Variants in PLXNA4 observed in about 807,000 individuals in gnomAD.
PLXNA4 encodes plexin-A4.
Under a neutral mutation model 191.8 loss-of-function variants are expected in PLXNA4, and 44 were observed. The observed-to-expected ratio is 0.23, with a 90% CI of 0.18 to 0.29. PLXNA4 has a LOEUF of 0.29. Ranked by LOEUF, PLXNA4 falls within the 10% of genes least tolerant of loss-of-function variation. The probability of loss-of-function intolerance (pLI) is 1.00; values close to 1 mark genes in which losing one functional copy is unlikely to be tolerated. For synonymous variants in PLXNA4, 1,082 were observed against 1,009.5 expected (o/e 1.07, Z -1.36); for missense variants, 1,800 against 2,488.8 (o/e 0.72, Z 5.89).
intron 2 of PLXNA4, among the ~76,000 whole-genome samples, chr7:132,631,035 CAT>C (rs1803481843): frequency 6.6e-6 from 1 of 152,190 alleles, no homozygotes; most frequent in Admixed American, 6.5e-5. Context: ...AGAGAATTAA[CAT>C]GTGTATTCGT....
intron 7 of PLXNA4, 108 bp from the exon 8 acceptor site, chr7:132,226,368 T>C: frequency 1.1e-6 from 1 of 926,164 alleles, no homozygotes; most frequent in East Asian, 2.5e-5. Flanking sequence ...CAGGCGGCTG[T>C]TGGCTTAACA....
intron 4 of PLXNA4, among the ~76,000 whole-genome samples, chr7:132,273,326 ACACACACACACACACG>A (rs893581916): frequency 2.0e-4 from 30 of 149,442 alleles, no homozygotes; most frequent in Admixed American, 2.7e-4. Context: ...GGTTTTCAAC[ACACACACACACACACG>A]CACACACACA....
chr7:132,259,880 C>G (rs924919197), intron 4 of PLXNA4, among the ~76,000 whole-genome samples: 1 of 152,126 alleles, frequency 6.6e-6, no homozygotes, highest in Non-Finnish European at 1.5e-5. Context: ...ATCTGAAAAG[C>G]CTACATTGTG....
In PLXNA4 at chr7:132,626,010, G is replaced by C. The variant is rs545289618; in HGVS notation, c.-87+19918C>G. The stretch of plus-strand genomic sequence containing the variant: ...TTAAGCAGGTCTTCTCCCCTCACAG[G>C]CCTCTCTATTCAGTTTATCCCAAAC... On this transcript the variant is annotated intron_variant, in intron 2 of 4. Transcript: ENST00000378539. Among the ~76,000 whole-genome samples, 9 of 152,216 alleles carry C rather than the reference G, an allele frequency of 5.9e-5. 1 individual carries two copies. Among genetic ancestry groups the C allele is most frequent in the African/African-American group, 2.2e-4 (9 of 41,536 alleles).
intron 2 of PLXNA4, among the ~76,000 whole-genome samples, chr7:132,506,989 A>G (rs1375731494): frequency 6.6e-6 from 1 of 152,212 alleles, no homozygotes; most frequent in African/African-American, 2.4e-5. Flanking sequence ...AAAGACATAC[A>G]AAGGGCTAAA....
At chr7:132,547,517 C>T (rs1800362363) in intron 1 of PLXNA4, among the ~76,000 whole-genome samples, 1 of 152,134 alleles carries the variant, frequency 6.6e-6, no homozygotes, top group Non-Finnish European at 1.5e-5. Flanking sequence ...TGCATGCAGG[C>T]ATGGGTAAGT....
intron 24 of PLXNA4, among the ~76,000 whole-genome samples, chr7:132,163,637 A>G (rs1376293): frequency 0.92 from 140,274 of 152,224 alleles, 65,008 homozygotes; most frequent in African/African-American, 0.98. Flanking sequence ...CGTTCCTTCA[A>G]CAACTGCCTT....
chr7:132,616,647 C>T (rs889996212), intron 2 of PLXNA4, among the ~76,000 whole-genome samples: 3 of 152,318 alleles, frequency 2.0e-5, no homozygotes, highest in Admixed American at 6.5e-5. Context: ...GTAGATGTAA[C>T]AGACATACTC....
intron 9 of PLXNA4, 70 bp downstream of exon 9, chr7:132,223,457 G>T: frequency 7.5e-7 from 1 of 1,329,290 alleles, no homozygotes; most frequent in Non-Finnish European, 1.1e-6. Flanking sequence ...TCCTCTTAAG[G>T]GAATGCCTCT....
chr7:132,443,995 C>A (rs895566735), intron 3 of PLXNA4, among the ~76,000 whole-genome samples: 1 of 152,176 alleles, frequency 6.6e-6, no homozygotes, highest in African/African-American at 2.4e-5. Flanking sequence ...GGGTGGGATC[C>A]CCCTGCCTTT....
At chr7:132,234,202 T>A (rs1798618164) in intron 5 of PLXNA4, among the ~76,000 whole-genome samples, 1 of 152,208 alleles carries the variant, frequency 6.6e-6, no homozygotes, top group South Asian at 2.1e-4. Flanking sequence ...GAATGCTGCC[T>A]ATTACCTGAG....
At chr7:132,321,114 G>A (rs532384368) in intron 3 of PLXNA4, among the ~76,000 whole-genome samples, 8 of 152,022 alleles carry the variant, frequency 5.3e-5, no homozygotes, top group Admixed American at 1.3e-4. Flanking sequence ...GTTTTTCTCC[G>A]GCTGCCTCTC....
At chr7:132,142,564 A>T (rs1326552161) in intron 29 of PLXNA4, among the ~76,000 whole-genome samples, 3 of 152,250 alleles carry the variant, frequency 2.0e-5, no homozygotes, top group Admixed American at 1.3e-4. Context: ...TCAGTCGACA[A>T]GGATCTATTA....
intron 2 of PLXNA4, among the ~76,000 whole-genome samples, chr7:132,635,066 T>C (rs1803569813): frequency 6.6e-6 from 1 of 151,936 alleles, no homozygotes; most frequent in South Asian, 2.1e-4. Flanking sequence ...GACTCCAAGC[T>C]CTTCAGTTTT....
chr7:132,551,728 G>A (rs941090741), intron 1 of PLXNA4, among the ~76,000 whole-genome samples: 1 of 152,162 alleles, frequency 6.6e-6, no homozygotes, highest in Non-Finnish European at 1.5e-5. Flanking sequence ...AAGGGTGTTA[G>A]TGACTGTCAG....
intron 3 of PLXNA4, among the ~76,000 whole-genome samples, chr7:132,473,011 C>T (rs1487886575): frequency 2.6e-5 from 4 of 152,194 alleles, no homozygotes; most frequent in Non-Finnish European, 5.9e-5. Context: ...TCCTGTCAGG[C>T]CCACATCAGG....
chr7:132,573,922 C>A (rs1219045624), intron 1 of PLXNA4, among the ~76,000 whole-genome samples: 1 of 152,060 alleles, frequency 6.6e-6, no homozygotes, highest in Non-Finnish European at 1.5e-5. Flanking sequence ...GTGAGAAAGA[C>A]CTCAGAGAAC....
intron 5 of PLXNA4, among the ~76,000 whole-genome samples, chr7:132,240,602 T>C: frequency 6.6e-6 from 1 of 152,206 alleles, no homozygotes; most frequent in East Asian, 1.9e-4. Context: ...TTGAAGTAGA[T>C]GTTAAGGAGA....
chr7:132,630,090 T>C (rs934000632), intron 2 of PLXNA4, among the ~76,000 whole-genome samples: 12 of 152,190 alleles, frequency 7.9e-5, no homozygotes, highest in African/African-American at 2.9e-4. Flanking sequence ...GACCTTGTGA[T>C]CCACCTGCCT....
Sources: gnomAD v4.1 joint callset for allele counts (sites outside exome capture counted in the v4.1 genomes callset) on GRCh38, gnomAD v4.1.1 for gene constraint, MANE v1.5 for transcripts, NCBI Gene and HGNC (gene_info 2026-07-23, HGNC 2026-07-21) for gene names.